Variants in LRP5 observed in about 807,000 individuals in gnomAD.
LRP5 encodes the protein LDL receptor related protein 5.
In LRP5, 62 loss-of-function variants were observed where a neutral mutation model predicts 154.1. The observed-to-expected ratio is 0.40, with a 90% CI of 0.33 to 0.50. The LOEUF is 0.50. LRP5 is among the 20% of genes least tolerant of loss of function. LRP5 has a pLI of 0.55. For missense variants in LRP5, 1,915 were observed against 2,336.7 expected (o/e 0.82, Z 3.72); for synonymous variants, 966 against 1,011.5 (o/e 0.96, Z 0.85).
intron 1 of LRP5, among the ~76,000 whole-genome samples, chr11:68,319,131 C>T (rs534939471): frequency 8.4e-5 from 12 of 142,552 alleles, no homozygotes; most frequent in Non-Finnish European, 1.3e-4. Context: ...GGATGGAGTG[C>T]GGTGGCACGA....
At chr11:68,365,791 C>G in intron 5 of LRP5, 89 bp downstream of exon 5, 1 of 1,304,988 alleles carries the variant, frequency 7.7e-7, no homozygotes. Flanking sequence ...CAGAAGGAAC[C>G]TCGGCAAACC....
In LRP5 at chr11:68,425,308, C is replaced by T. The variant is rs371885364; in HGVS notation, c.3427+16C>T. 9.4e-6 allele frequency: 15 copies of T among 1,596,690 alleles called. No homozygotes were observed. Among genetic ancestry groups the T allele is most frequent in the African/African-American group, 1.3e-5 (1 of 74,798 alleles). ...GACCTGTCAGGTACGCGCCCCGGGG[C>T]CTGCCCTAACCGCAGACACCCGGCC... On this transcript the variant is annotated intron_variant, in intron 15 of 22. Coordinates refer to ENST00000294304, the MANE Select transcript of LRP5 (RefSeq NM_002335.4).
intron 5 of LRP5, among the ~76,000 whole-genome samples, chr11:68,370,139 C>T (rs2098633221): frequency 6.6e-6 from 1 of 152,088 alleles, no homozygotes; most frequent in African/African-American, 2.4e-5. Context: ...CTTTCCCAAC[C>T]AGAAGAGGCA....
chr11:68,325,295 G>A (rs191290853), intron 1 of LRP5, among the ~76,000 whole-genome samples: 59 of 152,314 alleles, frequency 3.9e-4, no homozygotes, highest in Non-Finnish European at 2.2e-4. Context: ...AAAGGCAGAC[G>A]GGAATGCAGA....
intron 3 of LRP5, among the ~76,000 whole-genome samples, chr11:68,361,610 C>T (rs1387085621): frequency 6.6e-6 from 1 of 152,050 alleles, no homozygotes; most frequent in East Asian, 1.9e-4. Context: ...GCACTCCAGC[C>T]TGGGCGACAG....
chr11:68,403,755 A>T (rs2098654016), intron 8 of LRP5, 56 bp downstream of exon 8: 3 of 1,602,566 alleles, frequency 1.9e-6, no homozygotes, highest in Non-Finnish European at 2.6e-6. Context: ...CATGAGGAGG[A>T]AGTGACGGGT....
chr11:68,328,721 A>G (rs1452815064), intron 1 of LRP5, among the ~76,000 whole-genome samples: 2 of 152,232 alleles, frequency 1.3e-5, no homozygotes, highest in Non-Finnish European at 1.5e-5. Flanking sequence ...GTGGCCTCGC[A>G]GTAAATGCTT....
chr11:68,336,250 G>A lies in LRP5; in HGVS notation c.92-11597G>A, dbSNP rs144841107. ...CAAAGAAGTTCTGGAGGACTGGTGG[G>A]GACCTCTGGGACAGAAGAGCCAGCT... On this transcript the variant is annotated intron_variant, in intron 1 of 22. Coordinates refer to ENST00000294304, the MANE Select transcript of LRP5 (RefSeq NM_002335.4). Among the ~76,000 whole-genome samples, 396 of 152,266 alleles carry A rather than the reference G, an allele frequency of 2.6e-3. 3 individuals are homozygous for A. Among genetic ancestry groups the A allele is most frequent in the African/African-American group, 9.0e-3 (375 of 41,550 alleles).
intron 16 of LRP5, among the ~76,000 whole-genome samples, 192 bp downstream of exon 16, chr11:68,426,379 G>T (rs368689967): frequency 6.6e-6 from 1 of 151,566 alleles, no homozygotes; most frequent in Non-Finnish European, 1.5e-5. Context: ...TTCTTTTGCC[G>T]CAGAACAAAT....
chr11:68,336,677 G>A (rs910565902), intron 1 of LRP5, among the ~76,000 whole-genome samples: 58 of 152,224 alleles, frequency 3.8e-4, no homozygotes, highest in African/African-American at 1.3e-3. Flanking sequence ...CCGTGTTGGC[G>A]AGACTGGTCT....
intron 7 of LRP5, among the ~76,000 whole-genome samples, chr11:68,391,342 C>T (rs2098646199): frequency 6.6e-6 from 1 of 152,214 alleles, no homozygotes; most frequent in African/African-American, 2.4e-5. Context: ...CCATCGTCAC[C>T]CATTGAGGTG....
intron 1 of LRP5, among the ~76,000 whole-genome samples, chr11:68,335,902 T>C (rs2098605432): frequency 6.6e-6 from 1 of 152,226 alleles, no homozygotes. Context: ...CTCAGTTTTT[T>C]CACACTCTGC....
At position 68,406,833 on chromosome 11, in the gene LRP5, G is replaced by A. The variant is rs760334484; in HGVS notation, c.2091+20G>A. Reference sequence around the variant, plus strand: ...CTGAAGGTAGCGTGGGCCAGAACGTGCACACAGGCAGCCTTTATGGGAAAA... The same window carrying A: ...CTGAAGGTAGCGTGGGCCAGAACGTACACACAGGCAGCCTTTATGGGAAAA... On this transcript the variant is annotated intron_variant, in intron 9 of 22. Transcript: ENST00000294304. 1 of 1,612,320 alleles carries A rather than the reference G, an allele frequency of 6.2e-7. No homozygotes were observed. Among genetic ancestry groups the A allele is most frequent in the Admixed American group, 1.7e-5 (1 of 59,868 alleles).
intron 21 of LRP5, 25 bp downstream of exon 21, chr11:68,439,941 C>A (rs1450398977): frequency 1.9e-5 from 8 of 427,366 alleles, no homozygotes; most frequent in Non-Finnish European, 3.2e-5. Flanking sequence ...CGGGGAGGGG[C>A]GGGGCGGGAT....
At chr11:68,414,132 G>T in intron 12 of LRP5, 120 bp downstream of exon 12, 1 of 940,598 alleles carries the variant, frequency 1.1e-6, no homozygotes, top group Non-Finnish European at 1.7e-6. Context: ...GGTTGGGTAG[G>T]TTGTGCACTG....
chr11:68,359,277 C>T (rs1591221581), intron 3 of LRP5, among the ~76,000 whole-genome samples: 1 of 152,314 alleles, frequency 6.6e-6, no homozygotes, highest in Non-Finnish European at 1.5e-5. Context: ...AGCTCATTCT[C>T]AGGGCAAGAG....
intron 7 of LRP5, among the ~76,000 whole-genome samples, chr11:68,392,505 A>T (rs1170536971): frequency 1.3e-5 from 2 of 152,146 alleles, no homozygotes; most frequent in Non-Finnish European, 2.9e-5. Context: ...CTCTGTCTTG[A>T]AAAATAAATA....
intron 7 of LRP5, among the ~76,000 whole-genome samples, chr11:68,397,540 T>C (rs2098650127): frequency 6.6e-6 from 1 of 152,158 alleles, no homozygotes; most frequent in Non-Finnish European, 1.5e-5. Context: ...CCAGGGAAGG[T>C]CCTCTTTCCA....
At chr11:68,354,464 C>T (rs1025857532) in intron 2 of LRP5, among the ~76,000 whole-genome samples, 1 of 152,078 alleles carries the variant, frequency 6.6e-6, no homozygotes, top group Non-Finnish European at 1.5e-5. Flanking sequence ...TGTGTGGATT[C>T]CCCCCCAAGT....
Sources: allele counts gnomAD v4.1 joint callset (sites outside exome capture counted in the v4.1 genomes callset), GRCh38; gene constraint gnomAD v4.1.1; transcripts MANE v1.5; gene names NCBI Gene and HGNC (gene_info 2026-07-23, HGNC 2026-07-21).